C8A: variants seen among roughly 807,000 people sequenced by gnomAD.
C8A encodes the protein complement C8 alpha chain.
Under a neutral mutation model 65.3 loss-of-function variants are expected in C8A, and 67 were observed. The ratio of observed to expected loss-of-function variants is 1.03; its 90% CI spans 0.84 to 1.26. The LOEUF is 1.26. Ranked by LOEUF, C8A falls within the 50% of genes most tolerant of loss-of-function variation. C8A has a pLI of 0.00. For missense variants in C8A, 781 were observed against 723.9 expected (o/e 1.08, Z -0.90); for synonymous variants, 290 against 259.4 (o/e 1.12, Z -1.13).
At position 56,915,499 on chromosome 1, in the gene C8A, C is replaced by G. The variant is rs541348635; in HGVS notation, c.1604-2066C>G. Reference sequence around the variant, plus strand: ...AAGGGCCCAGGGCTTTCCTGACTTCCCAAGCAGGGTATGGACTGGGTTGTA... The same window carrying G: ...AAGGGCCCAGGGCTTTCCTGACTTCGCAAGCAGGGTATGGACTGGGTTGTA... On this transcript the variant is annotated intron_variant, in intron 10 of 10. Transcript: ENST00000361249. Among the ~76,000 whole-genome samples the G allele has an allele frequency of 2.0e-5, 3 of 152,278 alleles. No homozygotes were observed. In the East Asian group the frequency reaches 5.8e-4, roughly 29 times the overall value.
chr1:56,893,375 G>C (rs1644363399), intron 7 of C8A, among the ~76,000 whole-genome samples: 1 of 152,154 alleles, frequency 6.6e-6, no homozygotes, highest in Non-Finnish European at 1.5e-5. Context: ...TGACATGGTA[G>C]CAAGAAGTCC....
intron 4 of C8A, among the ~76,000 whole-genome samples, chr1:56,880,380 T>C (rs1644238022): frequency 6.6e-6 from 1 of 152,162 alleles, no homozygotes; most frequent in Non-Finnish European, 1.5e-5. Flanking sequence ...ATGCCTAATA[T>C]GTACTTTACT....
chr1:56,868,477 G>A (rs965705201), intron 2 of C8A, among the ~76,000 whole-genome samples: 22 of 151,784 alleles, frequency 1.4e-4, no homozygotes, highest in African/African-American at 5.3e-4. Context: ...AATTAGCTGG[G>A]CATGACAGTG....
chr1:56,895,796 A>G (rs2101273568), intron 7 of C8A, among the ~76,000 whole-genome samples: 1 of 152,110 alleles, frequency 6.6e-6, no homozygotes, highest in South Asian at 2.1e-4. Context: ...CAAACAAACA[A>G]AAAACTAGCC....
intron 7 of C8A, among the ~76,000 whole-genome samples, chr1:56,900,000 G>A (rs1264061567): frequency 6.6e-6 from 1 of 152,178 alleles, no homozygotes; most frequent in African/African-American, 2.4e-5. Flanking sequence ...GCTGTCTCTT[G>A]TCATGGCTGA....
At chr1:56,885,870 T>C (rs1644295370) in intron 6 of C8A, 57 bp from the exon 7 acceptor site, 2 of 1,611,584 alleles carry the variant, frequency 1.2e-6, no homozygotes, top group East Asian at 4.5e-5. Flanking sequence ...TTATTTCTAA[T>C]GGTAAAATAT....
chr1:56,862,303 TA>T (rs1489017336), intron 1 of C8A, among the ~76,000 whole-genome samples: 1 of 152,166 alleles, frequency 6.6e-6, no homozygotes, highest in Non-Finnish European at 1.5e-5. Context: ...TGCTGGACTC[TA>T]AACCTCTTTC....
chr1:56,881,798 G>A (rs867036635), intron 5 of C8A, among the ~76,000 whole-genome samples, 164 bp downstream of exon 5: 10 of 152,172 alleles, frequency 6.6e-5, no homozygotes, highest in Admixed American at 2.6e-4. Flanking sequence ...TAGTGTCGAA[G>A]GGTGCTGAGA....
chr1:56,910,706 C>T (rs574360561), intron 9 of C8A, among the ~76,000 whole-genome samples: 11 of 152,230 alleles, frequency 7.2e-5, no homozygotes, highest in Non-Finnish European at 1.3e-4. Flanking sequence ...ATATTACCTG[C>T]CTGCTGACCT....
At chr1:56,880,631 C>A (rs1170271803) in intron 4 of C8A, among the ~76,000 whole-genome samples, 3 of 152,082 alleles carry the variant, frequency 2.0e-5, no homozygotes, top group Non-Finnish European at 4.4e-5. Context: ...AGAGTCTCAA[C>A]CTTAGCACTA....
At chr1:56,855,884 A>G (rs1269496461) in intron 1 of C8A, among the ~76,000 whole-genome samples, 1 of 152,114 alleles carries the variant, frequency 6.6e-6, no homozygotes, top group Non-Finnish European at 1.5e-5. Context: ...AAAGCAGTTA[A>G]TTTGTAACTT....
chr1:56,857,303 TACACACACAC>T (rs71048450), intron 1 of C8A, among the ~76,000 whole-genome samples: 2 of 148,790 alleles, frequency 1.3e-5, no homozygotes, highest in Admixed American at 1.3e-4. Context: ...TGTTATTAAA[TACACACACAC>T]ACACACACAC....
chr1:56,873,857 A>G (rs1644171437), intron 2 of C8A, among the ~76,000 whole-genome samples: 1 of 152,202 alleles, frequency 6.6e-6, no homozygotes, highest in Non-Finnish European at 1.5e-5. Context: ...TCTTGAAGGC[A>G]GGGATAGAAC....
At chr1:56,899,138 T>C (rs1644406599) in intron 7 of C8A, among the ~76,000 whole-genome samples, 1 of 152,192 alleles carries the variant, frequency 6.6e-6, no homozygotes, top group African/African-American at 2.4e-5. Flanking sequence ...TTCTTGGCTC[T>C]GTCCTTACTC....
chr1:56,916,136 G>A (rs908422429), intron 10 of C8A, among the ~76,000 whole-genome samples: 3 of 152,198 alleles, frequency 2.0e-5, no homozygotes, highest in Admixed American at 6.5e-5. Context: ...ACCTGCACAC[G>A]TGGTGGGTAT....
rs114572303 is a variant in C8A, at chr1:56,877,471, C to T, written c.464+1262C>T. ...GGTGTCTATCTGCCCAGGCTAGGGGCTCCTTGTCATCTCTGCTTCTCCAGT... is the reference window on the plus strand; with the variant it reads ...GGTGTCTATCTGCCCAGGCTAGGGGTTCCTTGTCATCTCTGCTTCTCCAGT... On this transcript the variant is annotated intron_variant, in intron 4 of 10. Transcript: ENST00000361249. Among the ~76,000 whole-genome samples the T allele has an allele frequency of 5.0e-3, 761 of 152,250 alleles. 6 individuals carry two copies. The highest frequency in any genetic ancestry group is 0.018 in the African/African-American group (742 of 41,536).
Position 56,884,237 on chromosome 1 carries a change from G to A in C8A, c.855+556G>A, listed in dbSNP as rs148191083. On this transcript the variant is annotated intron_variant, in intron 6 of 10. Transcript: ENST00000361249. ...AAGGGAGACAAAAGTTGGCAGAAAG[G>A]TGCTCTAGGCATGGAAATCAGCATG... 3.3e-4 allele frequency among the ~76,000 whole-genome samples: 50 copies of A among 152,148 alleles called. 1 individual carries two copies. In the East Asian group the frequency reaches 9.5e-3, roughly 29 times the overall value.
rs182261919 is a variant in C8A, at chr1:56,908,127, C to A, written c.1380+14C>A. On this transcript the variant is annotated intron_variant, in intron 9 of 10. Coordinates refer to ENST00000361249, the MANE Select transcript of C8A (RefSeq NM_000562.3). ...ATCGATTTTGAGGTAAGTCTTTTCG[C>A]AGTTGAAGAAACTCTACGTCCATGA... 1.4e-4 allele frequency: 221 copies of A among 1,613,466 alleles called. No individual in the cohort carries two copies. In the African/African-American group the frequency reaches 2.7e-3, roughly 20 times the overall value.
chr1:56,865,184 T>C (rs1157998096), intron 1 of C8A, among the ~76,000 whole-genome samples: 1 of 152,216 alleles, frequency 6.6e-6, no homozygotes, highest in Non-Finnish European at 1.5e-5. Context: ...GATGGTTGTC[T>C]TGAGGAAAAG....
Sources: gnomAD v4.1 joint callset for allele counts (sites outside exome capture counted in the v4.1 genomes callset) on GRCh38, gnomAD v4.1.1 for gene constraint, MANE v1.5 for transcripts, NCBI Gene and HGNC (gene_info 2026-07-23, HGNC 2026-07-21) for gene names.